Variants in CADM2 observed in about 807,000 individuals in gnomAD.
The protein encoded by CADM2 is immunoglobulin superfamily member 4D.
Under a neutral mutation model 49.8 loss-of-function variants are expected in CADM2, and 12 were observed. That is an observed-to-expected ratio of 0.24 (90% CI 0.15 to 0.39). CADM2 has a LOEUF of 0.39. CADM2 is among the 10% of genes least tolerant of loss of function. The probability of loss-of-function intolerance (pLI) is 1.00; values close to 1 mark genes in which losing one functional copy is unlikely to be tolerated. For missense variants in CADM2, 378 were observed against 492.3 expected, an observed-to-expected ratio of 0.77 and a Z score of 2.20; for synonymous variants, 214 against 175.4, an observed-to-expected ratio of 1.22 and a Z score of -1.74.
chr3:85,996,556 A>G (rs1249248223), intron 8 of CADM2, among the ~76,000 whole-genome samples: 3 of 152,110 alleles, frequency 2.0e-5, no homozygotes, highest in African/African-American at 7.2e-5. Context: ...TCAAATTAAG[A>G]AAAACAATAC....
At chr3:85,936,245 A>T (rs1721175787) in intron 7 of CADM2, among the ~76,000 whole-genome samples, 1 of 151,904 alleles carries the variant, frequency 6.6e-6, no homozygotes, top group East Asian at 1.9e-4. Context: ...TTTTAAAGTT[A>T]CAAGAAGACT....
chr3:85,197,102 T>G (rs1460541438), intron 1 of CADM2, among the ~76,000 whole-genome samples: 1 of 151,972 alleles, frequency 6.6e-6, no homozygotes, highest in Non-Finnish European at 1.5e-5. Context: ...TGGTAACAAT[T>G]ATTTGTTTGT....
chr3:85,348,424 C>T (rs1283912379), intron 1 of CADM2, among the ~76,000 whole-genome samples: 1 of 152,156 alleles, frequency 6.6e-6, no homozygotes, highest in East Asian at 1.9e-4. Context: ...TATCTGGGTA[C>T]CCCATGGCTC....
At chr3:85,434,694 G>A (rs760080274) in intron 1 of CADM2, among the ~76,000 whole-genome samples, 5 of 151,246 alleles carry the variant, frequency 3.3e-5, no homozygotes, top group Non-Finnish European at 7.4e-5. Flanking sequence ...TAAATTTAAA[G>A]GTCACTTTGA....
chr3:85,300,151 C>G (rs977746473), intron 1 of CADM2, among the ~76,000 whole-genome samples: 1 of 151,972 alleles, frequency 6.6e-6, no homozygotes, highest in Admixed American at 6.6e-5. Context: ...AATTTTTATC[C>G]ACGCACTTTC....
intron 1 of CADM2, among the ~76,000 whole-genome samples, chr3:85,324,495 A>C (rs1407662667): frequency 6.6e-6 from 1 of 152,206 alleles, no homozygotes; most frequent in East Asian, 1.9e-4. Context: ...TAGTCTTTTG[A>C]TCCACAACTC....
intron 1 of CADM2, among the ~76,000 whole-genome samples, chr3:85,394,805 A>C (rs2034689797): frequency 6.6e-6 from 1 of 152,152 alleles, no homozygotes; most frequent in Admixed American, 6.5e-5. Context: ...CTGTTCAATT[A>C]TTTTATATTT....
chr3:85,511,729 T>C (rs751434574), intron 1 of CADM2: 23 of 207,570 alleles, frequency 1.1e-4, no homozygotes, highest in South Asian at 3.4e-4. Flanking sequence ...ATCTCCGGGG[T>C]GCAAAAGAAA....
At position 85,058,851 on chromosome 3, in the gene CADM2, T is replaced by C. The variant is rs1179096204; in HGVS notation, c.61+99183T>C. On this transcript the variant is annotated intron_variant, in intron 1 of 9. Coordinates refer to ENST00000383699, the MANE Select transcript of CADM2 (RefSeq NM_001167675.2). ...TTAAACTTTGTGAAGTGATATTTTA[T>C]AGAAATATATAGCATTTATATATAA... Among the ~76,000 whole-genome samples, 5 of 152,098 alleles carry C rather than the reference T, an allele frequency of 3.3e-5. No homozygotes were observed. The South Asian group carries it at 8.3e-4, about 25-fold the overall frequency.
intron 1 of CADM2, among the ~76,000 whole-genome samples, chr3:85,383,830 G>T (rs1376193803): frequency 6.6e-6 from 1 of 151,314 alleles, no homozygotes; most frequent in Non-Finnish European, 1.5e-5. Context: ...TTCCTTTGTT[G>T]ATTTCCACCA....
intron 8 of CADM2, among the ~76,000 whole-genome samples, chr3:86,027,344 T>G (rs1734019845): frequency 2.0e-5 from 3 of 152,170 alleles, no homozygotes; most frequent in African/African-American, 7.2e-5. Context: ...TATTTTCCCA[T>G]TATGTAATGT....
intron 2 of CADM2, among the ~76,000 whole-genome samples, chr3:85,735,304 G>A (rs2068091234): frequency 6.6e-6 from 1 of 152,044 alleles, no homozygotes; most frequent in South Asian, 2.1e-4. Context: ...CCATGCCAAT[G>A]GAAACAATCC....
At position 85,750,868 on chromosome 3, in the gene CADM2, T is replaced by A. The variant is rs143686450; in HGVS notation, c.88+24320T>A. 5.6e-4 allele frequency among the ~76,000 whole-genome samples: 85 copies of A among 152,238 alleles called. No individual in the cohort carries two copies. In the East Asian group the frequency reaches 0.016, roughly 29 times the overall value. ...TGACACCATTTACCGTATGTTATAA[T>A]TTGACAAGCTTAGTGAGAACTTGGT... is the stretch of plus-strand genomic sequence containing the variant. On this transcript the variant is annotated intron_variant, in intron 2 of 9. Coordinates refer to ENST00000383699, the MANE Select transcript of CADM2 (RefSeq NM_001167675.2).
intron 1 of CADM2, among the ~76,000 whole-genome samples, chr3:85,671,783 T>A (rs926134756): frequency 6.6e-6 from 1 of 152,228 alleles, no homozygotes; most frequent in African/African-American, 2.4e-5. Flanking sequence ...TTAAAATTTA[T>A]CTTCTCATAT....
chr3:85,314,247 C>A (rs1302940980), intron 1 of CADM2, among the ~76,000 whole-genome samples: 1 of 152,050 alleles, frequency 6.6e-6, no homozygotes, highest in Middle Eastern at 3.2e-3. Context: ...AAATATGCTA[C>A]CTGCTCATTG....
At chr3:85,387,589 T>C (rs1416144404) in intron 1 of CADM2, among the ~76,000 whole-genome samples, 1 of 152,214 alleles carries the variant, frequency 6.6e-6, no homozygotes, top group Non-Finnish European at 1.5e-5. Context: ...CAGGCAGTTC[T>C]CTGAAATGGA....
chr3:85,367,836 T>C (rs1354419419), intron 1 of CADM2, among the ~76,000 whole-genome samples: 1 of 16,634 alleles, frequency 6.0e-5, no homozygotes, highest in Non-Finnish European at 2.8e-3. Flanking sequence ...CATATATATG[T>C]GTGTGTGTGT....
chr3:85,005,054 T>G (rs1361869282), intron 1 of CADM2, among the ~76,000 whole-genome samples: 1 of 152,170 alleles, frequency 6.6e-6, no homozygotes, highest in Non-Finnish European at 1.5e-5. Flanking sequence ...GTGGTAAATT[T>G]ATAGCCCCTC....
At chr3:85,416,658 T>C (rs1218761401) in intron 1 of CADM2, among the ~76,000 whole-genome samples, 2 of 152,138 alleles carry the variant, frequency 1.3e-5, no homozygotes, top group African/African-American at 4.8e-5. Flanking sequence ...GTGTGGGGAC[T>C]AGGGACAAGC....
Sources: gnomAD v4.1 joint callset for allele counts (sites outside exome capture counted in the v4.1 genomes callset) on GRCh38, gnomAD v4.1.1 for gene constraint, MANE v1.5 for transcripts, NCBI Gene and HGNC (gene_info 2026-07-23, HGNC 2026-07-21) for gene names.